The following MAP3K1 variants were observed in gnomAD, a reference collection of about 807,000 sequenced individuals.
The protein encoded by MAP3K1 is MAP/ERK kinase kinase 1.
Under a neutral mutation model 144.2 loss-of-function variants are expected in MAP3K1, and 36 were observed. The ratio of observed to expected loss-of-function variants is 0.25; its 90% CI spans 0.19 to 0.33. The LOEUF (loss-of-function observed/expected upper bound fraction) is 0.33. Among genes scored for constraint, MAP3K1 ranks in the 10% least tolerant of loss-of-function variants. The pLI is 1.00. For missense variants in MAP3K1, 1,650 were observed against 1,881.9 expected (o/e 0.88, Z 2.28); for synonymous variants, 718 against 688.7 (o/e 1.04, Z -0.67).
chr5:56,865,111 CTT>C (rs1747637616), intron 4 of MAP3K1, among the ~76,000 whole-genome samples, 177 bp downstream of exon 4: 1 of 152,026 alleles, frequency 6.6e-6, no homozygotes. Flanking sequence ...GTTTTACTAT[CTT>C]AATATACCAT....
At chr5:56,891,576 C>T (rs1391004980) in intron 19 of MAP3K1, among the ~76,000 whole-genome samples, 1 of 152,156 alleles carries the variant, frequency 6.6e-6, no homozygotes, top group Non-Finnish European at 1.5e-5. Context: ...GCTTTTGTTG[C>T]CATTGCTTTT....
intron 1 of MAP3K1, among the ~76,000 whole-genome samples, chr5:56,824,043 C>T (rs189990224): frequency 7.9e-5 from 12 of 152,252 alleles, no homozygotes; most frequent in Admixed American, 7.8e-4. Flanking sequence ...TCTGATAACC[C>T]TACTTCATCC....
intron 1 of MAP3K1, among the ~76,000 whole-genome samples, chr5:56,839,220 G>A (rs886739515): frequency 6.6e-6 from 1 of 152,158 alleles, no homozygotes. Context: ...ACCAGTATCC[G>A]AATTAAAGGA....
intron 2 of MAP3K1, 48 bp downstream of exon 2, chr5:56,856,798 A>G: frequency 6.3e-7 from 1 of 1,595,076 alleles, no homozygotes; most frequent in East Asian, 2.2e-5. Context: ...CATAGGAGGA[A>G]ATGGAAAAGT....
At chr5:56,883,394 A>G in intron 14 of MAP3K1, 133 bp from the exon 15 acceptor site, 1 of 814,068 alleles carries the variant, frequency 1.2e-6, no homozygotes, top group Non-Finnish European at 2.0e-6. Flanking sequence ...TCGGTCACAA[A>G]TACCTTCCAT....
intron 1 of MAP3K1, among the ~76,000 whole-genome samples, chr5:56,834,995 C>T (rs1746604209): frequency 6.6e-6 from 1 of 152,098 alleles, no homozygotes; most frequent in South Asian, 2.1e-4. Flanking sequence ...GGTAATTCCA[C>T]CTGCAGGCTT....
chr5:56,832,692 A>T (rs1261355337), intron 1 of MAP3K1, among the ~76,000 whole-genome samples: 1 of 152,226 alleles, frequency 6.6e-6, no homozygotes, highest in Admixed American at 6.5e-5. Context: ...TTGTTTAATC[A>T]GAGCACAAAT....
intron 1 of MAP3K1, among the ~76,000 whole-genome samples, chr5:56,846,113 G>A (rs895939471): frequency 6.6e-6 from 1 of 152,136 alleles, no homozygotes; most frequent in African/African-American, 2.4e-5. Context: ...GTCTTAAATG[G>A]CAGAACAATG....
chr5:56,816,189 C>T, intron 1 of MAP3K1, 134 bp downstream of exon 1: 3 of 918,518 alleles, frequency 3.3e-6, no homozygotes, highest in Non-Finnish European at 4.2e-6. Flanking sequence ...GGACCTACGC[C>T]CCTGAGCACC....
At chr5:56,851,166 G>A (rs752473691) in intron 1 of MAP3K1, among the ~76,000 whole-genome samples, 3 of 152,068 alleles carry the variant, frequency 2.0e-5, no homozygotes, top group Non-Finnish European at 2.9e-5. Context: ...GGCTGGTCTC[G>A]AACTCCCAAC....
At chr5:56,872,269 G>T (rs1261906577) in intron 7 of MAP3K1, among the ~76,000 whole-genome samples, 1 of 152,166 alleles carries the variant, frequency 6.6e-6, no homozygotes, top group African/African-American at 2.4e-5. Flanking sequence ...GATAATGGAA[G>T]AAGTGCACAG....
chr5:56,816,116 A>T lies in MAP3K1; in HGVS notation c.482+61A>T, dbSNP rs1745947851. 3 of 1,183,502 alleles carry T rather than the reference A, an allele frequency of 2.5e-6. No individual in the cohort carries two copies. The Admixed American group carries it at 1.4e-4, about 53-fold the overall frequency. 73.3% of individuals were successfully genotyped at this position (1,183,502 alleles called of 1,614,324 possible). A position where few individuals can be genotyped will look rare whatever the true frequency, so the allele number is the denominator to read the frequency against. The stretch of plus-strand genomic sequence containing the variant: ...GAGAGCGGGCAGAGGGCAATGAATG[A>T]ACCCCGGGCACCATGCACGGCGTCC... On this transcript the variant is annotated intron_variant, in intron 1 of 19. Coordinates refer to ENST00000399503, the MANE Select transcript of MAP3K1 (RefSeq NM_005921.2).
At chr5:56,872,334 A>C (rs1366364552) in intron 7 of MAP3K1, among the ~76,000 whole-genome samples, 1 of 152,214 alleles carries the variant, frequency 6.6e-6, no homozygotes, top group East Asian at 1.9e-4. Context: ...AGGTGGAAGA[A>C]GACCTGGGCA....
chr5:56,840,461 T>G (rs888445569), intron 1 of MAP3K1, among the ~76,000 whole-genome samples: 1 of 152,178 alleles, frequency 6.6e-6, no homozygotes, highest in Non-Finnish European at 1.5e-5. Context: ...TAATGAGTAT[T>G]AATTGGCTGA....
At chr5:56,849,878 T>C (rs1002800370) in intron 1 of MAP3K1, among the ~76,000 whole-genome samples, 3 of 152,260 alleles carry the variant, frequency 2.0e-5, no homozygotes, top group African/African-American at 7.2e-5. Flanking sequence ...CACTCTCATC[T>C]GAGTGTAAGT....
rs1336258434 is a variant in MAP3K1 at position 56,895,021 on chromosome 5, T to A, written c.*1341T>A. On this transcript the variant is annotated 3_prime_UTR_variant, in exon 20 of 20. Coordinates refer to ENST00000399503, the MANE Select transcript of MAP3K1 (RefSeq NM_005921.2). Reference sequence around the variant, plus strand: ...TCTTTTAAATCAAGTACTGATTAACTATTAAGTACAACTTTGAGATTTTAG... The same window carrying A: ...TCTTTTAAATCAAGTACTGATTAACAATTAAGTACAACTTTGAGATTTTAG... 1 of 231,724 alleles carries A rather than the reference T, an allele frequency of 4.3e-6. No homozygotes were observed. Among genetic ancestry groups the A allele is most frequent in the African/African-American group, 2.2e-5 (1 of 45,286 alleles). 14.4% of individuals were successfully genotyped at this position (231,724 alleles called of 1,614,324 possible).
At chr5:56,887,578 A>C (rs534186951) in intron 18 of MAP3K1, 58 bp downstream of exon 18, 17 of 1,566,302 alleles carry the variant, frequency 1.1e-5, no homozygotes, top group Non-Finnish European at 1.5e-5. Context: ...GTGTAACAGC[A>C]TTATACTAAA....
At chr5:56,843,438 ACCATTCCCCAGGC>A (rs1411254036) in intron 1 of MAP3K1, among the ~76,000 whole-genome samples, 14 of 152,174 alleles carry the variant, frequency 9.2e-5, no homozygotes, top group African/African-American at 3.1e-4. Flanking sequence ...TGAAATGAGA[ACCATTCCCCAGGC>A]CCATTTATTT....
At chr5:56,845,168 G>GT (rs1746951461) in intron 1 of MAP3K1, among the ~76,000 whole-genome samples, 1 of 152,280 alleles carries the variant, frequency 6.6e-6, no homozygotes, top group South Asian at 2.1e-4. Flanking sequence ...TGTTAGTGGG[G>GT]TAAGAATTAT....
Sources: gnomAD v4.1 joint callset for allele counts (sites outside exome capture counted in the v4.1 genomes callset) on GRCh38, gnomAD v4.1.1 for gene constraint, MANE v1.5 for transcripts, NCBI Gene and HGNC (gene_info 2026-07-23, HGNC 2026-07-21) for gene names.